Variants in PCBP3 observed in about 807,000 individuals in gnomAD.
PCBP3 encodes poly(rC)-binding protein 3.
Under a neutral mutation model 52.7 loss-of-function variants are expected in PCBP3, and 25 were observed. The observed-to-expected ratio is 0.47, with a 90% CI of 0.35 to 0.66. The LOEUF is 0.66. Among genes scored for constraint, PCBP3 ranks in the 30% least tolerant of loss-of-function variants. The pLI, the probability that PCBP3 is intolerant of heterozygous loss-of-function variation, is 0.01. For missense variants in PCBP3, 391 were observed against 490.3 expected (o/e 0.80, Z 1.91); for synonymous variants, 162 against 183.0 (o/e 0.89, Z 0.93).
chr21:45,779,961 G>A (rs932792453), intron 4 of PCBP3, among the ~76,000 whole-genome samples: 1 of 152,182 alleles, frequency 6.6e-6, no homozygotes, highest in African/African-American at 2.4e-5. Flanking sequence ...CTGGAAATAG[G>A]CCTGCACAAA....
chr21:45,941,737 CA>C lies in PCBP3; in HGVS notation c.*32del, dbSNP rs1176821561. The C allele has an allele frequency of 7.5e-6, 12 of 1,590,164 alleles. No homozygotes were observed. The highest frequency in any genetic ancestry group is 9.4e-6 in the Non-Finnish European group (11 of 1,166,614). On this transcript the variant is annotated 3_prime_UTR_variant, in exon 18 of 18. Coordinates refer to ENST00000681687, the MANE Select transcript of PCBP3 (RefSeq NM_001384156.1). Reference sequence around the variant, plus strand: ...CCCAGCACCCTTCCCCCGCGTCACCCACCTGCCAGAGCCTAAGGCCCCCGGC... The same window carrying C: ...CCCAGCACCCTTCCCCCGCGTCACCCCCTGCCAGAGCCTAAGGCCCCCGGC...
rs1461787224 is a variant in PCBP3 at position 45,741,568 on chromosome 21, A to G, written c.-162+6139A>G. 6.6e-6 allele frequency among the ~76,000 whole-genome samples: 1 copy of G among 152,050 alleles called. No individual in the cohort carries two copies. The highest frequency in any genetic ancestry group is 1.9e-4 in the East Asian group (1 of 5,192). ...AAAGAGGCTAAGAGCTCAGGGAAGG[A>G]TTGTGATGTAGGGGGCAAGGGAGGG... On this transcript the variant is annotated intron_variant, in intron 3 of 17. Coordinates refer to ENST00000681687, the MANE Select transcript of PCBP3 (RefSeq NM_001384156.1). The surrounding 1 kb of genome is among the most constrained non-coding windows in gnomAD (Gnocchi z 4.5).
At chr21:45,758,736 T>C (rs1485246440) in intron 4 of PCBP3, among the ~76,000 whole-genome samples, 1 of 152,166 alleles carries the variant, frequency 6.6e-6, no homozygotes, top group Non-Finnish European at 1.5e-5. Context: ...TTTATTTCTT[T>C]TACTTCTCTT....
intron 4 of PCBP3, among the ~76,000 whole-genome samples, chr21:45,809,121 T>A (rs1400493653): frequency 6.6e-6 from 1 of 152,158 alleles, no homozygotes; most frequent in African/African-American, 2.4e-5. Context: ...CAAACCACCA[T>A]GGCATGTGTA....
chr21:45,676,646 T>A (rs2081487335), intron 2 of PCBP3, among the ~76,000 whole-genome samples: 1 of 152,254 alleles, frequency 6.6e-6, no homozygotes, highest in African/African-American at 2.4e-5. Flanking sequence ...TCCATCTGTC[T>A]GCTTCTCTTG....
At chr21:45,882,445 G>C (rs574623934) in intron 5 of PCBP3, among the ~76,000 whole-genome samples, 38 of 152,016 alleles carry the variant, frequency 2.5e-4, no homozygotes, top group Non-Finnish European at 3.8e-4. Context: ...ATCAGATGTT[G>C]TATGGTTTGC....
chr21:45,700,667 A>C (rs1358569019), intron 2 of PCBP3, among the ~76,000 whole-genome samples: 1 of 151,912 alleles, frequency 6.6e-6, no homozygotes, highest in African/African-American at 2.4e-5. Flanking sequence ...CCAGCCAGAG[A>C]GCTCCATGTC....
intron 15 of PCBP3, among the ~76,000 whole-genome samples, chr21:45,931,394 C>T (rs1458283325): frequency 1.3e-5 from 2 of 152,242 alleles, no homozygotes; most frequent in African/African-American, 4.8e-5. Flanking sequence ...TTCCTGGTGG[C>T]CAGGCAGGTG....
intron 2 of PCBP3, among the ~76,000 whole-genome samples, chr21:45,712,581 C>T (rs1271650537): frequency 3.9e-5 from 6 of 152,102 alleles, no homozygotes; most frequent in Admixed American, 6.5e-5. Flanking sequence ...GACTTGTCTC[C>T]GAATCTTTAC....
At chr21:45,697,098 C>G (rs1186197276) in intron 2 of PCBP3, among the ~76,000 whole-genome samples, 1 of 152,160 alleles carries the variant, frequency 6.6e-6, no homozygotes, top group African/African-American at 2.4e-5. Context: ...TTAAAATAAA[C>G]CTACACCAAC....
At chr21:45,850,749 C>G (rs1319791906) in intron 5 of PCBP3, among the ~76,000 whole-genome samples, 1 of 152,188 alleles carries the variant, frequency 6.6e-6, no homozygotes, top group Non-Finnish European at 1.5e-5. Flanking sequence ...TCTAAGCATA[C>G]AGAGAGCATG....
intron 4 of PCBP3, among the ~76,000 whole-genome samples, chr21:45,835,749 T>A (rs1603448094): frequency 2.0e-5 from 3 of 152,218 alleles, no homozygotes; most frequent in Middle Eastern, 6.8e-3. Flanking sequence ...CTGAGCCATT[T>A]TCATCCAGGC....
chr21:45,840,294 A>C (rs1375384204), intron 4 of PCBP3, among the ~76,000 whole-genome samples: 1 of 151,332 alleles, frequency 6.6e-6, no homozygotes, highest in African/African-American at 2.4e-5. Flanking sequence ...CTACTAAAAA[A>C]AAATTTTAAA....
At chr21:45,894,174 C>G (rs1351390452) in intron 5 of PCBP3, among the ~76,000 whole-genome samples, 2 of 152,190 alleles carry the variant, frequency 1.3e-5, no homozygotes, top group African/African-American at 2.4e-5. Context: ...AGGATGGCCT[C>G]TCACTCATGC....
intron 5 of PCBP3, chr21:45,873,166 T>C (rs1009449595): frequency 1.3e-5 from 2 of 152,352 alleles, no homozygotes; most frequent in Non-Finnish European, 2.9e-5. Context: ...GCTGCGACTT[T>C]CTCCTGCCTC....
At chr21:45,747,282 C>T (rs1404366794) in intron 3 of PCBP3, among the ~76,000 whole-genome samples, 1 of 152,212 alleles carries the variant, frequency 6.6e-6, no homozygotes, top group Non-Finnish European at 1.5e-5. Flanking sequence ...GATTCAATTA[C>T]CTCCCACTGG....
chr21:45,732,597 A>T (rs1416745161), intron 2 of PCBP3: 1 of 150,608 alleles, frequency 6.6e-6, no homozygotes, highest in Non-Finnish European at 1.5e-5. Flanking sequence ...GGGATTGTTG[A>T]CCTTTCTGAA....
intron 2 of PCBP3, among the ~76,000 whole-genome samples, chr21:45,719,657 C>A (rs1305804534): frequency 1.3e-5 from 2 of 152,142 alleles, no homozygotes; most frequent in South Asian, 4.1e-4. Flanking sequence ...TAAGAAGGTG[C>A]CTGCTTCTCC....
At chr21:45,866,126 C>G (rs1271880564) in intron 5 of PCBP3, among the ~76,000 whole-genome samples, 1 of 152,210 alleles carries the variant, frequency 6.6e-6, no homozygotes, top group Admixed American at 6.5e-5. Context: ...GACCCCTGGA[C>G]CCCCCTTGCC....
Sources: allele counts gnomAD v4.1 joint callset (sites outside exome capture counted in the v4.1 genomes callset), GRCh38; gene constraint gnomAD v4.1.1; non-coding constraint Gnocchi (gnomAD v3.1); transcripts MANE v1.5; gene names NCBI Gene and HGNC (gene_info 2026-07-23, HGNC 2026-07-21).